NBPF26: variants seen among roughly 807,000 people sequenced by gnomAD.
The protein encoded by NBPF26 is NBPF member 26.
In NBPF26, 79 loss-of-function variants were observed where a neutral mutation model predicts 119.6. That is an observed-to-expected ratio of 0.66 (90% CI 0.55 to 0.80). The LOEUF (loss-of-function observed/expected upper bound fraction) is 0.80, where lower values mean the gene tolerates loss of function less well. Among genes scored for constraint, NBPF26 ranks in the 30% least tolerant of loss-of-function variants. NBPF26 has a pLI of 0.00. For missense variants in NBPF26, 800 were observed against 1,198.2 expected, an observed-to-expected ratio of 0.67 and a Z score of 4.91; for synonymous variants, 299 against 457.7, an observed-to-expected ratio of 0.65 and a Z score of 4.43.
chr1:120,794,123 CT>C (rs1651527990), intron 4 of NBPF26, among the ~76,000 whole-genome samples: 1 of 110,774 alleles, frequency 9.0e-6, no homozygotes, highest in South Asian at 2.6e-4. Flanking sequence ...TTTTGATGAG[CT>C]GATAGATGAT....
rs1323930488 is a variant in NBPF26 at position 120,765,889 on chromosome 1, C to G, written c.155+2180C>G. Among the ~76,000 whole-genome samples the G allele has an allele frequency of 1.8e-5, 2 of 109,984 alleles. 1 individual carries two copies. Among genetic ancestry groups the G allele is most frequent in the Non-Finnish European group, 3.5e-5 (2 of 56,990 alleles). The allele number at this position is 109,984 out of a possible 152,430, so 72.2% of individuals were successfully genotyped here. On this transcript the variant is annotated intron_variant, in intron 2 of 29. Transcript: ENST00000620612. ...GCAAACTAACACAGGAACAGAAAAC[C>G]AAACACGGCATGTTCTCACTCATAA...
At position 120,790,309 on chromosome 1, in the gene NBPF26, G is replaced by A. The variant is rs1172237992; in HGVS notation, c.416-2852G>A. Among the ~76,000 whole-genome samples the A allele has an allele frequency of 3.6e-5, 4 of 111,332 alleles. 2 individuals carry two copies. The East Asian group carries it at 8.9e-4, about 25-fold the overall frequency. The allele number at this position is 111,332 out of a possible 152,430, so 73.0% of individuals were successfully genotyped here. Reference sequence around the variant, plus strand: ...GATTACAGGTGTGAGCCACCACACCGGGCCGATTCTGATCATCTTTTATAC... The same window carrying A: ...GATTACAGGTGTGAGCCACCACACCAGGCCGATTCTGATCATCTTTTATAC... On this transcript the variant is annotated intron_variant, in intron 3 of 29. Coordinates refer to ENST00000620612, the Ensembl canonical transcript of NBPF26.
exon 3 of NBPF26, chr1:120,785,049 G>T: frequency 6.9e-7 from 1 of 1,445,498 alleles, no homozygotes; most frequent in Non-Finnish European, 9.2e-7. Flanking sequence ...AGAATGGTGG[G>T]ACTTGTGTGG....
At chr1:120,821,890 G>A (rs1261494890) in intron 15 of NBPF26, among the ~76,000 whole-genome samples, 3 of 120,556 alleles carry the variant, frequency 2.5e-5, no homozygotes, top group South Asian at 2.5e-4. Context: ...TGTGGCAAAT[G>A]TACTGAGCAC....
chr1:120,840,353 C>G (rs1652486431), exon 30 of NBPF26: 3 of 1,448,326 alleles, frequency 2.1e-6, no homozygotes, highest in African/African-American at 2.6e-5. Flanking sequence ...TTTGCAGGCT[C>G]AACAGCATGC....
At chr1:120,754,385 A>G (rs1651057846) in intron 1 of NBPF26, among the ~76,000 whole-genome samples, 1 of 42,506 alleles carries the variant, frequency 2.4e-5, no homozygotes, top group Non-Finnish European at 4.0e-5. Context: ...CAGCACACAA[A>G]TATATAGCAC....
At position 120,816,801 on chromosome 1, in the gene NBPF26, G is replaced by A; in HGVS notation, c.2345G>A (p.Trp782Ter). 2 of 1,439,872 alleles carry A rather than the reference G, an allele frequency of 1.4e-6. No homozygotes were observed. The highest frequency in any genetic ancestry group is 1.2e-5 in the South Asian group (1 of 83,192). 89.2% of individuals were successfully genotyped at this position (1,439,872 alleles called of 1,614,324 possible). ...ATTGGCTCATCCTCTCATGTTGAAT[G>A]GGAGGATGCTGTACACATTATTCCA... Residue 782 changes from tryptophan to a stop codon, truncating the protein, a stop_gained, in exon 14 of 30, where the codon TGG becomes TAG. Transcript: ENST00000620612. LOFTEE classifies it high-confidence loss of function.
intron 1 of NBPF26, among the ~76,000 whole-genome samples, chr1:120,730,987 A>G (rs1650868465): frequency 7.5e-5 from 1 of 13,258 alleles, no homozygotes; most frequent in Non-Finnish European, 1.3e-4. Context: ...TGACATCATC[A>G]TGGAGACAAG....
rs1376676482 is a variant in NBPF26 at position 120,783,551 on chromosome 1, T to C, written c.156-1423T>C. Among the ~76,000 whole-genome samples, 174 of 58,398 alleles carry C rather than the reference T, an allele frequency of 3.0e-3. 11 individuals are homozygous for C. The highest frequency in any genetic ancestry group is 0.026 in the Admixed American group (135 of 5,162). 38.3% of individuals were successfully genotyped at this position (58,398 alleles called of 152,430 possible). On this transcript the variant is annotated intron_variant, in intron 2 of 29. Transcript: ENST00000620612. ...AAGTTTCTTGGGAAGATGATCTCCT[T>C]TTACAAATGTTTAGTTTCAAATAGT... is the stretch of plus-strand genomic sequence containing the variant.
At chr1:120,812,120 C>G in intron 10 of NBPF26, 25 bp downstream of exon 10, 1 of 1,098,654 alleles carries the variant, frequency 9.1e-7, no homozygotes, top group Admixed American at 2.1e-5. Context: ...CTCACCATCA[C>G]GAAAGTGATG....
In NBPF26 at chr1:120,840,378, G is replaced by T; in HGVS notation, c.4132G>T (p.Glu1378Ter). 2 of 1,460,940 alleles carry T rather than the reference G, an allele frequency of 1.4e-6. No individual in the cohort carries two copies. The highest frequency in any genetic ancestry group is 1.8e-6 in the Non-Finnish European group (2 of 1,085,404). 90.5% of individuals were successfully genotyped at this position (1,460,940 alleles called of 1,614,324 possible). A position where few individuals can be genotyped will look rare whatever the true frequency, so the allele number is the denominator to read the frequency against. Residue 1378 changes from glutamate to a stop codon, truncating the protein, a stop_gained, in exon 30 of 30, where the codon GAG becomes TAG. Coordinates refer to ENST00000620612, the Ensembl canonical transcript of NBPF26. LOFTEE classifies it low-confidence loss of function (END_TRUNC). The stretch of plus-strand genomic sequence containing the variant: ...CAACAGCATGCTGATGGAAGTGGAA[G>T]AGCCTGAAGTCTTGCAGGACTCACT...
In NBPF26 at chr1:120,760,153, G is replaced by C. The variant is rs1255264413; in HGVS notation, c.74-3475G>C. On this transcript the variant is annotated intron_variant, in intron 1 of 29. Coordinates refer to ENST00000620612, the Ensembl canonical transcript of NBPF26. ...AGAATTTATATCTAAAGGTTGAATA[G>C]TATTCCATTGTATATATCTACCACA... Among the ~76,000 whole-genome samples, 10 of 56,870 alleles carry C rather than the reference G, an allele frequency of 1.8e-4. 1 individual carries two copies. The highest frequency in any genetic ancestry group is 2.8e-4 in the Non-Finnish European group (10 of 35,260). The allele number at this position is 56,870 out of a possible 152,430, so 37.3% of individuals were successfully genotyped here.
At chr1:120,809,589 T>C (rs1326494282) in intron 7 of NBPF26, among the ~76,000 whole-genome samples, 2 of 151,834 alleles carry the variant, frequency 1.3e-5, no homozygotes, top group East Asian at 1.9e-4. Context: ...AAAAGGTCTT[T>C]TCAGTATTTG....
At chr1:120,783,890 G>A (rs1651393748) in intron 2 of NBPF26, among the ~76,000 whole-genome samples, 1 of 105,392 alleles carries the variant, frequency 9.5e-6, no homozygotes, top group East Asian at 2.3e-4. Flanking sequence ...CTCCCTATAG[G>A]AGAGAGAATT....
intron 9 of NBPF26, among the ~76,000 whole-genome samples, chr1:120,811,279 G>A (rs2101508193): frequency 9.4e-6 from 1 of 106,620 alleles, no homozygotes; most frequent in East Asian, 2.2e-4. Flanking sequence ...AGGGGCGCTG[G>A]CTCACATCTT....
chr1:120,824,045 C>G (rs1253219488), exon 18 of NBPF26: 5 of 524,730 alleles, frequency 9.5e-6, no homozygotes, highest in African/African-American at 6.2e-5. Flanking sequence ...TGTTATTCAA[C>G]TCCTTCAGGT....
At position 120,816,307 on chromosome 1, in the gene NBPF26, C is replaced by T. The variant is rs1652005193; in HGVS notation, c.2165+150C>T. ...TATAACCCAGCTTAGACACAGGGTGCGGTAGCTGTCATGTTTCTCTATGTG... is the reference window on the plus strand; with the variant it reads ...TATAACCCAGCTTAGACACAGGGTGTGGTAGCTGTCATGTTTCTCTATGTG... On this transcript the variant is annotated intron_variant, in intron 13 of 29. Transcript: ENST00000620612. The T allele has an allele frequency of 1.2e-4, 93 of 762,134 alleles. 12 individuals are homozygous for T. Among genetic ancestry groups the T allele is most frequent in the South Asian group, 1.2e-3 (77 of 66,876 alleles). The allele number at this position is 762,134 out of a possible 1,614,324, so 47.2% of individuals were successfully genotyped here.
In NBPF26 at chr1:120,812,014, A is replaced by T; in HGVS notation, c.1693A>T (p.Lys565Ter). ...ATTGCGCCCCCAGCTGGCAGAGAAGAAACAGCAGTTCAGAAACCTCAAAGA... is the reference window on the plus strand; with the variant it reads ...ATTGCGCCCCCAGCTGGCAGAGAAGTAACAGCAGTTCAGAAACCTCAAAGA... Residue 565 changes from lysine to a stop codon, truncating the protein, a stop_gained, in exon 10 of 30, where the codon AAA becomes TAA. Coordinates refer to ENST00000620612, the Ensembl canonical transcript of NBPF26. LOFTEE classifies it high-confidence loss of function. 1 of 1,291,816 alleles carries T rather than the reference A, an allele frequency of 7.7e-7. No individual in the cohort carries two copies. The highest frequency in any genetic ancestry group is 1.1e-6 in the Non-Finnish European group (1 of 946,646). The allele number at this position is 1,291,816 out of a possible 1,614,324, so 80.0% of individuals were successfully genotyped here.
downstream of NBPF26, among the ~76,000 whole-genome samples, chr1:120,841,994 G>T (rs1652528654): frequency 2.5e-5 from 2 of 81,050 alleles, no homozygotes; most frequent in East Asian, 2.7e-4. Context: ...AATTTTTACT[G>T]TGCCTTTGTT....
Sources: allele counts gnomAD v4.1 joint callset (sites outside exome capture counted in the v4.1 genomes callset), GRCh38; gene constraint gnomAD v4.1.1; transcripts MANE v1.5; gene names NCBI Gene and HGNC (gene_info 2026-07-23, HGNC 2026-07-21).